Variants in CEP128 observed in about 807,000 individuals in gnomAD.
The protein encoded by CEP128 is centrosomal protein 128.
A neutral mutation model predicts 156.7 loss-of-function variants in CEP128; 132 were observed. The ratio of observed to expected loss-of-function variants is 0.84; its 90% confidence interval spans 0.73 to 0.97. The LOEUF (loss-of-function observed/expected upper bound fraction) is 0.97, where lower values mean the gene tolerates loss of function less well. CEP128 is among the 50% of genes least tolerant of loss of function. CEP128 has a pLI of 0.00. For synonymous variants in CEP128, 469 were observed against 448.9 expected (o/e 1.04, Z -0.57); for missense variants, 1,252 against 1,281.9 (o/e 0.98, Z 0.36).
intron 19 of CEP128, among the ~76,000 whole-genome samples, chr14:80,584,208 G>A (rs147300592): frequency 0.032 from 4,413 of 139,608 alleles, 89 homozygotes; most frequent in Middle Eastern, 0.057. Flanking sequence ...GTGCAGTGGC[G>A]CCATCTCGGC....
chr14:80,914,550 C>T (rs1884437928), intron 3 of CEP128, 142 bp from the exon 4 acceptor site: 1 of 607,404 alleles, frequency 1.6e-6, no homozygotes, highest in Non-Finnish European at 2.9e-6. Flanking sequence ...CAATGTACTT[C>T]ACACATATTA....
chr14:80,840,152 T>C (rs1490285668), intron 10 of CEP128, among the ~76,000 whole-genome samples: 6 of 152,164 alleles, frequency 3.9e-5, no homozygotes, highest in Non-Finnish European at 4.4e-5. Flanking sequence ...ATCTACTTAT[T>C]TGCAAATTAA....
chr14:80,905,977 G>T lies in CEP128; in HGVS notation c.339C>A (p.Asp113Glu). Residue 113 changes from aspartate (D) to glutamate (E), a missense_variant, in exon 5 of 25, where the codon GAC becomes GAA. Coordinates refer to ENST00000555265, the MANE Select transcript of CEP128 (RefSeq NM_152446.5). ...TACCTGACCCAGTGCCACCATCAAG[G>T]TCACTTGCACTCAAACTTGTAACAG... ...SISVTSLSAS[D>E]LDGGTGSELH... The T allele has an allele frequency of 6.2e-7, 1 of 1,613,104 alleles. No homozygotes were observed. The highest frequency in any genetic ancestry group is 8.5e-7 in the Non-Finnish European group (1 of 1,179,560).
chr14:80,896,392 G>A (rs1178939849), intron 7 of CEP128, among the ~76,000 whole-genome samples: 2 of 152,134 alleles, frequency 1.3e-5, no homozygotes, highest in South Asian at 2.1e-4. Flanking sequence ...ACTTCCCTCT[G>A]TGAATCATGC....
chr14:80,645,044 G>A (rs1440976643), intron 19 of CEP128, among the ~76,000 whole-genome samples: 2 of 151,930 alleles, frequency 1.3e-5, no homozygotes, highest in African/African-American at 4.8e-5. Flanking sequence ...ATGTGACCTG[G>A]GCCAGATTAT....
intron 2 of CEP128, among the ~76,000 whole-genome samples, chr14:80,951,369 G>A (rs1886460250): frequency 6.6e-6 from 1 of 152,058 alleles, no homozygotes; most frequent in South Asian, 2.1e-4. Context: ...GAGAAATGGA[G>A]TATAAACAAG....
At chr14:80,491,044 A>G (rs1372692316) in intron 6 of CEP128, among the ~76,000 whole-genome samples, 3 of 152,182 alleles carry the variant, frequency 2.0e-5, no homozygotes, top group Non-Finnish European at 4.4e-5. Context: ...TTTGTGAACC[A>G]TTGCTTTCAG....
intron 20 of CEP128, among the ~76,000 whole-genome samples, chr14:80,573,221 A>G (rs991996847): frequency 6.6e-6 from 1 of 152,020 alleles, no homozygotes; most frequent in African/African-American, 2.4e-5. Context: ...CACCTCGCCC[A>G]GCCTTTTTTA....
At chr14:80,642,756 C>A (rs1454019139) in intron 19 of CEP128, among the ~76,000 whole-genome samples, 1 of 151,630 alleles carries the variant, frequency 6.6e-6, no homozygotes, top group East Asian at 1.9e-4. Context: ...GAAAACTTGA[C>A]CCCCTTTTTT....
At chr14:80,721,847 CAA>C (rs1314827818) in intron 19 of CEP128, among the ~76,000 whole-genome samples, 1 of 151,920 alleles carries the variant, frequency 6.6e-6, no homozygotes, top group African/African-American at 2.4e-5. Flanking sequence ...ATTGTTTGAG[CAA>C]AGTGATAAGC....
intron 19 of CEP128, among the ~76,000 whole-genome samples, chr14:80,623,477 A>G (rs116221788): frequency 0.14 from 20,510 of 151,826 alleles, 1,501 homozygotes; most frequent in South Asian, 0.25. Flanking sequence ...AAATAAATAA[A>G]TAAATAAACA....
At chr14:80,779,809 T>C (rs948333268) in intron 15 of CEP128, among the ~76,000 whole-genome samples, 1 of 152,248 alleles carries the variant, frequency 6.6e-6, no homozygotes, top group Non-Finnish European at 1.5e-5. Context: ...TTATTACGTT[T>C]ATATTTCATT....
intron 21 of CEP128, among the ~76,000 whole-genome samples, chr14:80,544,626 A>G (rs1889904841): frequency 6.6e-6 from 1 of 152,226 alleles, no homozygotes; most frequent in Non-Finnish European, 1.5e-5. Context: ...CCTCACGGAC[A>G]TACTTTGGGC....
At chr14:80,623,600 AT>A in intron 19 of CEP128, among the ~76,000 whole-genome samples, 1 of 151,982 alleles carries the variant, frequency 6.6e-6, no homozygotes, top group East Asian at 1.9e-4. Context: ...AAAAATATAT[AT>A]TTGCCAATGT....
In CEP128 at chr14:80,831,156, G is replaced by A. The variant is rs780315885; in HGVS notation, c.1196C>T (p.Ala399Val). The part of the protein sequence containing the change: ...ERKDKEKAHL[A>V]SQVENLTREL... The stretch of plus-strand genomic sequence containing the variant: ...GAGCAAAGTCACCTCTACTTGTGAT[G>A]CCAAATGTGCTTTCTCCTTGTCTTT... The change falls in exon 13 of 25, where the codon GCA becomes GTA. Residue 399 changes from alanine (A) to valine (V), a missense_variant. Physicochemically the swap from Ala to Val is moderately conservative, Grantham distance 64. Transcript: ENST00000555265. The A allele has an allele frequency of 3.8e-5, 62 of 1,613,698 alleles. No individual in the cohort carries two copies. Among genetic ancestry groups the A allele is most frequent in the Middle Eastern group, 3.3e-4 (2 of 6,084 alleles).
chr14:80,958,557 G>A (rs1886836309), intron 1 of CEP128, among the ~76,000 whole-genome samples: 2 of 152,138 alleles, frequency 1.3e-5, no homozygotes, highest in Admixed American at 6.6e-5. Context: ...CAGGAGGTTA[G>A]CAGGGAAAGG....
In CEP128 at chr14:80,549,473, A is replaced by G. The variant is rs1175697004; in HGVS notation, c.2880+9806T>C. Reference sequence around the variant, plus strand: ...GGACTGAACCTTTCAGGCAACTTCAATGAGAGGCTCATAGCCTTGGCAAAA... The same window carrying G: ...GGACTGAACCTTTCAGGCAACTTCAGTGAGAGGCTCATAGCCTTGGCAAAA... On this transcript the variant is annotated intron_variant, in intron 21 of 24. Transcript: ENST00000555265. Among the ~76,000 whole-genome samples the G allele has an allele frequency of 3.3e-5, 5 of 152,202 alleles. No individual in the cohort carries two copies. In the East Asian group the frequency reaches 7.7e-4, roughly 23 times the overall value.
intron 19 of CEP128, among the ~76,000 whole-genome samples, chr14:80,674,933 A>C (rs1188622383): frequency 6.6e-6 from 1 of 151,776 alleles, no homozygotes; most frequent in Non-Finnish European, 1.5e-5. Flanking sequence ...ACTTATAGGG[A>C]TCCTACTCTC....
chr14:80,492,009 G>C (rs1414888716), downstream of CEP128, among the ~76,000 whole-genome samples: 1 of 152,104 alleles, frequency 6.6e-6, no homozygotes, highest in Admixed American at 6.6e-5. Context: ...ATCTAAACTA[G>C]CATAACCACT....
Sources: gnomAD v4.1 joint callset for allele counts (sites outside exome capture counted in the v4.1 genomes callset) on GRCh38, gnomAD v4.1.1 for gene constraint, MANE v1.5 for transcripts, NCBI Gene and HGNC (gene_info 2026-07-23, HGNC 2026-07-21) for gene names.